Variants in MEGF6 observed in about 807,000 individuals in gnomAD.
MEGF6 encodes the protein multiple epidermal growth factor-like domains protein 6.
MEGF6 carries 184 observed loss-of-function variants against 207.1 expected under a neutral mutation model. The ratio of observed to expected loss-of-function variants is 0.89; its 90% CI spans 0.79 to 1.00. MEGF6 has a LOEUF of 1.00. MEGF6 is among the 50% of genes least tolerant of loss of function. The pLI is 0.00. For missense variants in MEGF6, 2,282 were observed against 2,202.9 expected, an observed-to-expected ratio of 1.04 and a Z score of -0.72; for synonymous variants, 1,038 against 910.0, an observed-to-expected ratio of 1.14 and a Z score of -2.53.
At chr1:3,596,029 G>A (rs1644059231) in intron 2 of MEGF6, among the ~76,000 whole-genome samples, 2 of 152,116 alleles carry the variant, frequency 1.3e-5, no homozygotes, top group African/African-American at 4.8e-5. Context: ...CCTACACCTA[G>A]GAGGACAAAG....
intron 4 of MEGF6, among the ~76,000 whole-genome samples, chr1:3,562,404 A>C (rs1643229832): frequency 6.6e-6 from 1 of 151,862 alleles, no homozygotes; most frequent in Non-Finnish European, 1.5e-5. Flanking sequence ...CTTTCCCCCA[A>C]GGGCACTGAT....
chr1:3,604,909 C>A (rs1644219712), intron 1 of MEGF6, among the ~76,000 whole-genome samples: 1 of 152,066 alleles, frequency 6.6e-6, no homozygotes, highest in Non-Finnish European at 1.5e-5. Flanking sequence ...GGGGCTGGGT[C>A]CTGACCTCAT....
chr1:3,501,760 T>A (rs1037229360), intron 18 of MEGF6, 36 bp downstream of exon 18: 2 of 1,604,898 alleles, frequency 1.2e-6, no homozygotes, highest in Non-Finnish European at 1.7e-6. Context: ...CCGTGCAGCC[T>A]GGGGAGGCGG....
intron 15 of MEGF6, 65 bp from the exon 16 acceptor site, chr1:3,505,621 C>T (rs577069574): frequency 1.2e-5 from 18 of 1,476,390 alleles, no homozygotes; most frequent in Middle Eastern, 2.4e-4. Context: ...ACCGCTTCCA[C>T]CAGCCCTGGG....
At position 3,495,074 on chromosome 1, in the gene MEGF6, C is replaced by T. The variant is rs144744432; in HGVS notation, c.3872-333G>A. On this transcript the variant is annotated intron_variant, in intron 30 of 36. Transcript: ENST00000356575. Reference sequence around the variant, plus strand: ...GGCCCACTGTGAACCAGCTGTCTCCCGCTTGGGAGTGAAGGCACATCCTTC... The same window carrying T: ...GGCCCACTGTGAACCAGCTGTCTCCTGCTTGGGAGTGAAGGCACATCCTTC... Among the ~76,000 whole-genome samples, 675 of 152,306 alleles carry T rather than the reference C, an allele frequency of 4.4e-3. 8 individuals are homozygous for T. The highest frequency in any genetic ancestry group is 0.015 in the African/African-American group (633 of 41,552).
intron 34 of MEGF6, chr1:3,493,336 C>T: frequency 8.5e-6 from 2 of 234,112 alleles, no homozygotes; most frequent in South Asian, 1.2e-4. Flanking sequence ...AGGTGAGCCC[C>T]TGCTATCCTC....
chr1:3,488,119 CCTT>C lies in MEGF6; in HGVS notation c.*2406_*2408del, dbSNP rs978778566. 3.2e-4 allele frequency among the ~76,000 whole-genome samples: 48 copies of C among 152,282 alleles called. No individual in the cohort carries two copies. The highest frequency in any genetic ancestry group is 1.2e-3 in the African/African-American group (48 of 41,558). On this transcript the variant is annotated 3_prime_UTR_variant, in exon 37 of 37. Transcript: ENST00000356575. The stretch of plus-strand genomic sequence containing the variant: ...GTGTGTTGAGAATGTTCAATATCCT[CCTT>C]CTTGCTGCTTGAAACTATATAATAT...
In MEGF6 at chr1:3,524,105, G is replaced by C. The variant is rs1641868209; in HGVS notation, c.604+19C>G. The C allele has an allele frequency of 6.2e-7, 1 of 1,608,702 alleles. No homozygotes were observed. The highest frequency in any genetic ancestry group is 8.5e-7 in the Non-Finnish European group (1 of 1,177,646). On this transcript the variant is annotated intron_variant, in intron 5 of 36. Coordinates refer to ENST00000356575, the MANE Select transcript of MEGF6 (RefSeq NM_001409.4). The stretch of plus-strand genomic sequence containing the variant: ...GGCTGAAGCCAGGAGCCCAGGCAGG[G>C]TCTCCAGGCGACACTCACCCAGGCA...
At chr1:3,579,013 C>T (rs897122933) in intron 4 of MEGF6, among the ~76,000 whole-genome samples, 5 of 152,262 alleles carry the variant, frequency 3.3e-5, no homozygotes, top group Non-Finnish European at 4.4e-5. Flanking sequence ...GTGCATCTCT[C>T]GCTCTGCCCT....
rs1210526709 is a variant in MEGF6 at position 3,499,154 on chromosome 1, C to T, written c.3078G>A (p.Gly1026=). Residue 1026 remains glycine, a synonymous_variant, in exon 24 of 37, where the codon GGG becomes GGA. Transcript: ENST00000356575. ...GTGGCTTACCCTGCAGGCAGGAGGGCCCCATCCAGCCAGGGGCACAGTGGC... is the reference window on the plus strand; with the variant it reads ...GTGGCTTACCCTGCAGGCAGGAGGGTCCCATCCAGCCAGGGGCACAGTGGC... The part of the protein sequence containing the change: ...GQCHCAPGWM[G]PSCLQACPAG... The T allele has an allele frequency of 6.2e-7, 1 of 1,603,722 alleles. No homozygotes were observed. Among genetic ancestry groups the T allele is most frequent in the Non-Finnish European group, 8.5e-7 (1 of 1,176,588 alleles).
In MEGF6 at chr1:3,488,493, C is replaced by G. The variant is rs181910093; in HGVS notation, c.*2035G>C. On this transcript the variant is annotated 3_prime_UTR_variant, in exon 37 of 37. Coordinates refer to ENST00000356575, the MANE Select transcript of MEGF6 (RefSeq NM_001409.4). ...TGTGGTGACTGAATATCTCAGAGCACCCTCCTGGCTTCTTTCTCTTCTGGC... is the reference window on the plus strand; with the variant it reads ...TGTGGTGACTGAATATCTCAGAGCAGCCTCCTGGCTTCTTTCTCTTCTGGC... Among the ~76,000 whole-genome samples the G allele has an allele frequency of 1.3e-5, 2 of 152,322 alleles. No homozygotes were observed. Among genetic ancestry groups the G allele is most frequent in the South Asian group, 4.1e-4 (2 of 4,828 alleles).
At chr1:3,500,062 G>A (rs2100917239) in intron 21 of MEGF6, 138 bp from the exon 22 acceptor site, 2 of 1,305,284 alleles carry the variant, frequency 1.5e-6, no homozygotes, top group East Asian at 2.5e-5. Context: ...AAGGGAGACT[G>A]GGCTCACTCA....
intron 4 of MEGF6, among the ~76,000 whole-genome samples, chr1:3,570,654 C>T (rs1032201907): frequency 1.3e-5 from 2 of 152,158 alleles, no homozygotes; most frequent in Admixed American, 6.5e-5. Context: ...CCAACCTTGC[C>T]TCCAAGAAAG....
At chr1:3,574,217 C>A (rs1643582683) in intron 4 of MEGF6, among the ~76,000 whole-genome samples, 1 of 152,072 alleles carries the variant, frequency 6.6e-6, no homozygotes. Context: ...GGAGCACCTG[C>A]CAGCTGGCCC....
intron 2 of MEGF6, among the ~76,000 whole-genome samples, chr1:3,598,059 C>T (rs1040523523): frequency 2.6e-5 from 4 of 152,224 alleles, no homozygotes; most frequent in African/African-American, 7.2e-5. Context: ...GCGCCCGCCC[C>T]GGGCCTGCCC....
intron 13 of MEGF6, 121 bp downstream of exon 13, chr1:3,508,437 C>T: frequency 8.4e-7 from 1 of 1,185,634 alleles, no homozygotes; most frequent in Non-Finnish European, 1.2e-6. Flanking sequence ...TGGCTCTGCA[C>T]AGAGCCCCCT....
At chr1:3,612,978 C>T (rs555860555), upstream of MEGF6, among the ~76,000 whole-genome samples, 2 of 152,198 alleles carry the variant, frequency 1.3e-5, no homozygotes, top group African/African-American at 4.8e-5. Context: ...GATCCGGGAA[C>T]TGAACATAGG....
At chr1:3,551,396 C>G (rs979123347) in intron 4 of MEGF6, among the ~76,000 whole-genome samples, 16 of 152,132 alleles carry the variant, frequency 1.1e-4, no homozygotes, top group Non-Finnish European at 2.1e-4. Flanking sequence ...GGGAAACTCT[C>G]GCCAAATTCC....
intron 15 of MEGF6, 66 bp from the exon 16 acceptor site, chr1:3,505,622 C>T: frequency 1.4e-6 from 2 of 1,475,262 alleles, no homozygotes; most frequent in Non-Finnish European, 1.8e-6. Flanking sequence ...CCGCTTCCAC[C>T]AGCCCTGGGT....
Sources: allele counts gnomAD v4.1 joint callset (sites outside exome capture counted in the v4.1 genomes callset), GRCh38; gene constraint gnomAD v4.1.1; transcripts MANE v1.5; gene names NCBI Gene and HGNC (gene_info 2026-07-23, HGNC 2026-07-21).